The following KIRREL3 variants were observed in gnomAD, a reference collection of about 807,000 sequenced individuals.
KIRREL3 encodes kirre like nephrin family adhesion molecule 3.
KIRREL3 carries 36 observed loss-of-function variants against 89.7 expected under a neutral mutation model. The ratio of observed to expected loss-of-function variants is 0.40; its 90% confidence interval spans 0.31 to 0.53. KIRREL3 has a LOEUF of 0.53. Ranked by LOEUF, KIRREL3 falls within the 20% of genes least tolerant of loss-of-function variation. The probability of loss-of-function intolerance (pLI) is 0.49; values close to 1 mark genes in which losing one functional copy is unlikely to be tolerated. For missense variants in KIRREL3, 864 were observed against 1,056.6 expected (o/e 0.82, Z 2.53); for synonymous variants, 445 against 441.4 (o/e 1.01, Z -0.10).
In KIRREL3 at chr11:126,696,544, C is replaced by T. The variant is rs545019886; in HGVS notation, c.56-133632G>A. Among the ~76,000 whole-genome samples, 1 of 152,346 alleles carries T rather than the reference C, an allele frequency of 6.6e-6. No homozygotes were observed. The highest frequency in any genetic ancestry group is 1.9e-4 in the East Asian group (1 of 5,184). ...TGGCCCCACCGTCCAACCCACCTTT[C>T]AGCCTCCAGGCAGGTCCTCACCTCT... On this transcript the variant is annotated intron_variant, in intron 1 of 16. Transcript: ENST00000525144. This position sits in a 1 kb window ranked among gnomAD's most constrained non-coding sequence, Gnocchi z 4.4.
Position 126,558,888 on chromosome 11 carries a change from A to G in KIRREL3, c.133+3947T>C, listed in dbSNP as rs375186378. ...TGCAGGTGTGTGCATGCATGTGTGC[A>G]TGTATACATATGCATGCAGGTGTGT... On this transcript the variant is annotated intron_variant, in intron 2 of 16. Coordinates refer to ENST00000525144, the MANE Select transcript of KIRREL3 (RefSeq NM_032531.4). The surrounding 1 kb of genome is among the most constrained non-coding windows in gnomAD (Gnocchi z 4.0). Among the ~76,000 whole-genome samples, 4 of 151,360 alleles carry G rather than the reference A, an allele frequency of 2.6e-5. No individual in the cohort carries two copies. The highest frequency in any genetic ancestry group is 9.7e-5 in the African/African-American group (4 of 41,272).
In KIRREL3 at chr11:126,462,311, C is replaced by T. The variant is rs994297478; in HGVS notation, c.742+846G>A. Among the ~76,000 whole-genome samples the T allele has an allele frequency of 2.0e-5, 3 of 152,148 alleles. No individual in the cohort carries two copies. Among genetic ancestry groups the T allele is most frequent in the Admixed American group, 1.3e-4 (2 of 15,270 alleles). ...GTCTTGGGCAAGTTAATCACCCTTT[C>T]GGTGCCTCAGTTTCCCACGGTAGGG... On this transcript the variant is annotated intron_variant, in intron 6 of 16. Coordinates refer to ENST00000525144, the MANE Select transcript of KIRREL3 (RefSeq NM_032531.4). The surrounding 1 kb of genome is among the most constrained non-coding windows in gnomAD (Gnocchi z 4.8).
intron 1 of KIRREL3, among the ~76,000 whole-genome samples, chr11:126,745,923 G>A (rs1391971543): frequency 3.3e-5 from 5 of 152,238 alleles, no homozygotes; most frequent in Non-Finnish European, 7.3e-5. Flanking sequence ...GGGCACACTA[G>A]TGGTTACTAT....
At chr11:126,588,327 A>G (rs1325398543) in intron 1 of KIRREL3, among the ~76,000 whole-genome samples, 1 of 152,228 alleles carries the variant, frequency 6.6e-6, no homozygotes, top group Non-Finnish European at 1.5e-5. Context: ...GAATAAGTGT[A>G]CTCAGCCACA....
At position 126,719,906 on chromosome 11, in the gene KIRREL3, G is replaced by A. The variant is rs977263057; in HGVS notation, c.56-156994C>T. ...AGCCATCCTTACGCAATGTAGCAAT[G>A]TCAGTTGGATCTGATCGCTCCTCTG... On this transcript the variant is annotated intron_variant, in intron 1 of 16. Coordinates refer to ENST00000525144, the MANE Select transcript of KIRREL3 (RefSeq NM_032531.4). This position sits in a 1 kb window ranked among gnomAD's most constrained non-coding sequence, Gnocchi z 4.7. Among the ~76,000 whole-genome samples the A allele has an allele frequency of 9.2e-5, 14 of 152,142 alleles. No homozygotes were observed. The highest frequency in any genetic ancestry group is 2.6e-4 in the Admixed American group (4 of 15,266).
Position 126,636,430 on chromosome 11 carries a change from A to G in KIRREL3, c.56-73518T>C, listed in dbSNP as rs1944266365. Among the ~76,000 whole-genome samples, 1 of 152,146 alleles carries G rather than the reference A, an allele frequency of 6.6e-6. No homozygotes were observed. The highest frequency in any genetic ancestry group is 6.5e-5 in the Admixed American group (1 of 15,282). On this transcript the variant is annotated intron_variant, in intron 1 of 16. Coordinates refer to ENST00000525144, the MANE Select transcript of KIRREL3 (RefSeq NM_032531.4). The surrounding 1 kb of genome is among the most constrained non-coding windows in gnomAD (Gnocchi z 4.4). ...CTCCCTTCTGGCACTTGTTCTGTTGAGAGTCTGTGATGCCCAAACCTTGGA... is the reference window on the plus strand; with the variant it reads ...CTCCCTTCTGGCACTTGTTCTGTTGGGAGTCTGTGATGCCCAAACCTTGGA...
rs150518121 is a variant in KIRREL3, at chr11:126,452,727, A to G, written c.849-3570T>C. 1.9e-3 allele frequency among the ~76,000 whole-genome samples: 289 copies of G among 152,186 alleles called. 2 individuals carry two copies. The highest frequency in any genetic ancestry group is 6.5e-3 in the African/African-American group (271 of 41,526). The stretch of plus-strand genomic sequence containing the variant: ...CTCCCTGTCCTCTCCTCTCATGGTG[A>G]GGGAGCCAGAGACGGAAGAGGACCG... On this transcript the variant is annotated intron_variant, in intron 7 of 16. Coordinates refer to ENST00000525144, the MANE Select transcript of KIRREL3 (RefSeq NM_032531.4).
intron 1 of KIRREL3, among the ~76,000 whole-genome samples, chr11:126,856,845 G>A (rs573847520): frequency 6.6e-6 from 1 of 152,044 alleles, no homozygotes; most frequent in East Asian, 1.9e-4. Context: ...CACTCACCTC[G>A]GCCTCCCAAA....
chr11:126,596,881 G>T (rs1264116421), intron 1 of KIRREL3, among the ~76,000 whole-genome samples: 1 of 152,212 alleles, frequency 6.6e-6, no homozygotes, highest in Non-Finnish European at 1.5e-5. Context: ...AGCCCGGGCT[G>T]CAGTTTCCTG....
rs1359542956 is a variant in KIRREL3 at position 126,628,678 on chromosome 11, A to C, written c.56-65766T>G. Among the ~76,000 whole-genome samples, 1 of 152,158 alleles carries C rather than the reference A, an allele frequency of 6.6e-6. No individual in the cohort carries two copies. The highest frequency in any genetic ancestry group is 1.5e-5 in the Non-Finnish European group (1 of 68,028). ...CAGCAGAGAATAGAAACTGACTGTC[A>C]TTCTCTCTGCCTCTCCTGAAAGACT... On this transcript the variant is annotated intron_variant, in intron 1 of 16. Coordinates refer to ENST00000525144, the MANE Select transcript of KIRREL3 (RefSeq NM_032531.4). This position sits in a 1 kb window ranked among gnomAD's most constrained non-coding sequence, Gnocchi z 5.2.
Position 126,521,613 on chromosome 11 carries a change from G to A in KIRREL3, c.284-149C>T. ...CTCAGGGCTCTGATCTCAGTGCAAG[G>A]AGCACAAATGCAAGAGCTTTCCCAA... On this transcript the variant is annotated intron_variant, in intron 3 of 16. Transcript: ENST00000525144. The surrounding 1 kb of genome is among the most constrained non-coding windows in gnomAD (Gnocchi z 4.1). 2.9e-6 allele frequency: 2 copies of A among 678,686 alleles called. No individual in the cohort carries two copies. Among genetic ancestry groups the A allele is most frequent in the South Asian group, 3.9e-5 (2 of 51,456 alleles). The allele number at this position is 678,686 out of a possible 1,614,324, so 42.0% of individuals were successfully genotyped here.
Position 126,501,509 on chromosome 11 carries a change from C to T in KIRREL3, c.433+19806G>A, listed in dbSNP as rs371537862. Among the ~76,000 whole-genome samples the T allele has an allele frequency of 6.6e-6, 1 of 152,142 alleles. No homozygotes were observed. Among genetic ancestry groups the T allele is most frequent in the Non-Finnish European group, 1.5e-5 (1 of 68,022 alleles). On this transcript the variant is annotated intron_variant, in intron 4 of 16. Coordinates refer to ENST00000525144, the MANE Select transcript of KIRREL3 (RefSeq NM_032531.4). This position sits in a 1 kb window ranked among gnomAD's most constrained non-coding sequence, Gnocchi z 5.8. ...TCCTGGGTCCTGTTGATGTGCTACACATTGCAGGGAGCATTTTCATCCCAG... is the reference window on the plus strand; with the variant it reads ...TCCTGGGTCCTGTTGATGTGCTACATATTGCAGGGAGCATTTTCATCCCAG...
intron 1 of KIRREL3, among the ~76,000 whole-genome samples, chr11:126,863,716 C>T (rs1352560462): frequency 1.3e-5 from 2 of 151,954 alleles, no homozygotes; most frequent in Non-Finnish European, 2.9e-5. Flanking sequence ...AGCGGAGGAA[C>T]AAAGAGGTAC....
chr11:126,617,972 T>G (rs1179317548), intron 1 of KIRREL3, among the ~76,000 whole-genome samples: 2 of 152,216 alleles, frequency 1.3e-5, no homozygotes, highest in Non-Finnish European at 2.9e-5. Context: ...TGATCCTCAA[T>G]GTTGGAGGTG....
chr11:126,998,174 G>C (rs1950226843), intron 1 of KIRREL3, among the ~76,000 whole-genome samples: 2 of 152,300 alleles, frequency 1.3e-5, no homozygotes, highest in South Asian at 4.1e-4. Flanking sequence ...ATATATGTGA[G>C]GATGGTCAAA....
chr11:126,446,047 C>T (rs920835383), intron 9 of KIRREL3, among the ~76,000 whole-genome samples: 1 of 150,346 alleles, frequency 6.7e-6, no homozygotes, highest in Non-Finnish European at 1.5e-5. Flanking sequence ...ACTCAGGAGG[C>T]TGAGGCAGGA....
chr11:126,958,947 T>A (rs572412768), intron 1 of KIRREL3, among the ~76,000 whole-genome samples: 1 of 152,332 alleles, frequency 6.6e-6, no homozygotes, highest in Non-Finnish European at 1.5e-5. Flanking sequence ...ATTAGCATTT[T>A]AATTAGTAGA....
chr11:126,505,528 G>A (rs1440096797), intron 4 of KIRREL3, among the ~76,000 whole-genome samples: 3 of 152,196 alleles, frequency 2.0e-5, no homozygotes, highest in East Asian at 1.9e-4. Context: ...CTGAGATTGT[G>A]CCATTGCACT....
At chr11:126,630,621 G>T (rs1159191304) in intron 1 of KIRREL3, among the ~76,000 whole-genome samples, 1 of 152,120 alleles carries the variant, frequency 6.6e-6, no homozygotes. Flanking sequence ...TCTTACCTCT[G>T]CCTGGAGCTG....
Sources: allele counts gnomAD v4.1 joint callset (sites outside exome capture counted in the v4.1 genomes callset), GRCh38; gene constraint gnomAD v4.1.1; non-coding constraint Gnocchi (gnomAD v3.1); transcripts MANE v1.5; gene names NCBI Gene and HGNC (gene_info 2026-07-23, HGNC 2026-07-21).